FNDC1: variants seen among roughly 807,000 people sequenced by gnomAD.
FNDC1 encodes fibronectin type III domain-containing protein 1.
In FNDC1, 96 loss-of-function variants were observed where a neutral mutation model predicts 168.0. The ratio of observed to expected loss-of-function variants is 0.57; its 90% CI spans 0.48 to 0.68. The LOEUF (loss-of-function observed/expected upper bound fraction) is 0.68, where lower values mean the gene tolerates loss of function less well. Among genes scored for constraint, FNDC1 ranks in the 30% least tolerant of loss-of-function variants. The pLI, the probability that FNDC1 is intolerant of heterozygous loss-of-function variation, is 0.00. For missense variants in FNDC1, 2,587 were observed against 2,482.1 expected, an observed-to-expected ratio of 1.04 and a Z score of -0.90; for synonymous variants, 1,099 against 1,025.9, an observed-to-expected ratio of 1.07 and a Z score of -1.36.
Position 159,239,916 on chromosome 6 carries a change from T to A in FNDC1, c.4580T>A (p.Ile1527Lys). The A allele has an allele frequency of 6.6e-7, 1 of 1,517,724 alleles. No individual in the cohort carries two copies. Among genetic ancestry groups the A allele is most frequent in the South Asian group, 1.3e-5 (1 of 78,480 alleles). 94.0% of individuals were successfully genotyped at this position (1,517,724 alleles called of 1,614,324 possible). ...LERHDDDGNLIMSSNGIPECY... is the reference protein window; with the variant it reads ...LERHDDDGNLKMSSNGIPECY... ...CGGCACGACGATGATGGCAACCTGATAATGAGCTCCAATGGGATCCCAGAG... is the reference window on the plus strand; with the variant it reads ...CGGCACGACGATGATGGCAACCTGAAAATGAGCTCCAATGGGATCCCAGAG... Residue 1527 changes from isoleucine to lysine, a missense_variant, in exon 14 of 23, where the codon ATA (isoleucine) becomes AAA (lysine). Transcript: ENST00000297267.
intron 5 of FNDC1, among the ~76,000 whole-genome samples, chr6:159,219,307 C>T (rs564861968): frequency 4.4e-4 from 67 of 152,340 alleles, no homozygotes; most frequent in African/African-American, 1.5e-3. Context: ...TCCCAAAATG[C>T]TGGGGATTGC....
In FNDC1 at chr6:159,239,661, A is replaced by C; in HGVS notation, c.4325A>C (p.Lys1442Thr). 1 of 1,552,050 alleles carries C rather than the reference A, an allele frequency of 6.4e-7. No homozygotes were observed. Among genetic ancestry groups the C allele is most frequent in the Non-Finnish European group, 8.7e-7 (1 of 1,147,188 alleles). ...CTGGTGGGCTTGGAGGTCATCAAAA[A>C]AACCACCCATCCCCCTACCACTACC... ...KPLVGLEVIK[K>T]TTHPPTTTMQ... is the part of the protein sequence containing the mutation. The change falls in exon 14 of 23, where the codon AAA becomes ACA. Residue 1442 changes from lysine (K) to threonine (T), a missense_variant. Physicochemically the swap from Lys to Thr is moderately conservative, Grantham distance 78. Coordinates refer to ENST00000297267, the MANE Select transcript of FNDC1 (RefSeq NM_032532.3).
At chr6:159,201,441 G>T (rs1223675482) in intron 4 of FNDC1, among the ~76,000 whole-genome samples, 1 of 152,180 alleles carries the variant, frequency 6.6e-6, no homozygotes, top group African/African-American at 2.4e-5. Context: ...CTGGCTTTTG[G>T]GGAGAGACTA....
intron 1 of FNDC1, among the ~76,000 whole-genome samples, chr6:159,184,607 C>G (rs1162645171): frequency 2.0e-5 from 3 of 152,154 alleles, no homozygotes; most frequent in Non-Finnish European, 4.4e-5. Context: ...CTTGGCCTCT[C>G]TTCTAAGGGT....
intron 1 of FNDC1, among the ~76,000 whole-genome samples, chr6:159,186,917 T>G (rs1323092880): frequency 6.6e-6 from 1 of 152,232 alleles, no homozygotes; most frequent in Non-Finnish European, 1.5e-5. Context: ...CCCTTATAAG[T>G]ACATTGGCAT....
intron 19 of FNDC1, 61 bp from the exon 20 acceptor site, chr6:159,264,914 T>G: frequency 2.1e-6 from 3 of 1,436,010 alleles, no homozygotes; most frequent in Non-Finnish European, 2.9e-6. Flanking sequence ...ACTAACCATT[T>G]AAAGAATTGC....
At chr6:159,180,565 G>A (rs1020069328) in intron 1 of FNDC1, among the ~76,000 whole-genome samples, 3 of 152,078 alleles carry the variant, frequency 2.0e-5, no homozygotes, top group Admixed American at 2.0e-4. Flanking sequence ...TGCAGCACCT[G>A]TCAACCCATC....
intron 17 of FNDC1, 146 bp from the exon 18 acceptor site, chr6:159,256,377 C>G: frequency 3.1e-6 from 2 of 650,712 alleles, no homozygotes; most frequent in Non-Finnish European, 5.5e-6. Flanking sequence ...CCCATCCTGT[C>G]CCACAGTGCC....
intron 2 of FNDC1, among the ~76,000 whole-genome samples, chr6:159,197,827 C>T (rs1451642402): frequency 6.6e-6 from 1 of 152,218 alleles, no homozygotes. Flanking sequence ...GCTTCCCCAT[C>T]CGTGCATGTG....
chr6:159,249,643 C>A (rs1777216444), intron 16 of FNDC1, among the ~76,000 whole-genome samples: 1 of 152,196 alleles, frequency 6.6e-6, no homozygotes, highest in South Asian at 2.1e-4. Context: ...TATTTCCTAT[C>A]ACTTTCATTA....
At chr6:159,225,484 T>A in intron 7 of FNDC1, 51 bp from the exon 8 acceptor site, 1 of 1,441,664 alleles carries the variant, frequency 6.9e-7, no homozygotes, top group Non-Finnish European at 9.4e-7. Context: ...AGGCATCTAG[T>A]GTTGAGTGGC....
chr6:159,221,748 T>C lies in FNDC1; in HGVS notation c.766+52T>C, dbSNP rs1293494931. 3.8e-5 allele frequency: 50 copies of C among 1,333,050 alleles called. No homozygotes were observed. The East Asian group carries it at 1.1e-3, about 29-fold the overall frequency. 82.6% of individuals were successfully genotyped at this position (1,333,050 alleles called of 1,614,324 possible). A position where few individuals can be genotyped will look rare whatever the true frequency, so the allele number is the denominator to read the frequency against. ...AAACCATAGTCTGGTATGAATGCTATGTTGTTTCCAAATGATGCTGGCTGA... is the reference window on the plus strand; with the variant it reads ...AAACCATAGTCTGGTATGAATGCTACGTTGTTTCCAAATGATGCTGGCTGA... On this transcript the variant is annotated intron_variant, in intron 6 of 22. Coordinates refer to ENST00000297267, the MANE Select transcript of FNDC1 (RefSeq NM_032532.3).
intron 1 of FNDC1, among the ~76,000 whole-genome samples, chr6:159,190,304 C>T (rs1179715263): frequency 1.3e-5 from 2 of 152,214 alleles, no homozygotes; most frequent in African/African-American, 4.8e-5. Context: ...TGTCCCCTGT[C>T]CCGCACTCCA....
chr6:159,169,778 C>A lies in FNDC1; in HGVS notation c.109+73C>A. 1 of 530,338 alleles carries A rather than the reference C, an allele frequency of 1.9e-6. No homozygotes were observed. Among genetic ancestry groups the A allele is most frequent in the Non-Finnish European group, 2.6e-6 (1 of 382,880 alleles). The allele number at this position is 530,338 out of a possible 1,614,324, so 32.9% of individuals were successfully genotyped here. ...CCTCCTGCGCTCGGGCCCCGTCGTC[C>A]CGCTCAGTGCTGGCTACGGGTCGTG... On this transcript the variant is annotated intron_variant, in intron 1 of 22. Coordinates refer to ENST00000297267, the MANE Select transcript of FNDC1 (RefSeq NM_032532.3). This position sits in a 1 kb window ranked among gnomAD's most constrained non-coding sequence, Gnocchi z 6.8.
Position 159,223,538 on chromosome 6 carries a change from A to G in FNDC1, c.777A>G (p.Glu259=), listed in dbSNP as rs1056453017. 1 of 1,611,842 alleles carries G rather than the reference A, an allele frequency of 6.2e-7. No individual in the cohort carries two copies. The highest frequency in any genetic ancestry group is 1.7e-5 in the Admixed American group (1 of 59,790). The part of the protein sequence containing the change: ...LTKRKISEED[E]LDVPDDISVR... The stretch of plus-strand genomic sequence containing the variant: ...TCGTTGTCATTTCAGAAGAGGACGA[A>G]TTGGATGTACCTGACGACATCAGCG... The change falls in exon 7 of 23, where the codon GAA becomes GAG. Residue 259 remains glutamate (E), a synonymous_variant. Transcript: ENST00000297267.
chr6:159,256,367 C>T (rs1164650172), intron 17 of FNDC1, among the ~76,000 whole-genome samples, 156 bp from the exon 18 acceptor site: 3 of 152,308 alleles, frequency 2.0e-5, no homozygotes, highest in South Asian at 2.1e-4. Context: ...AGTGTTACAT[C>T]CCATCCTGTC....
chr6:159,179,959 G>T (rs140060061), intron 1 of FNDC1, among the ~76,000 whole-genome samples: 1 of 152,330 alleles, frequency 6.6e-6, no homozygotes, highest in Non-Finnish European at 1.5e-5. Context: ...CAGCATATGC[G>T]TTAGTGAGAG....
chr6:159,269,164 G>GTATGTATGTATA (rs1171909477), intron 22 of FNDC1, among the ~76,000 whole-genome samples: 25 of 149,852 alleles, frequency 1.7e-4, no homozygotes, highest in Non-Finnish European at 3.3e-4. Flanking sequence ...GTCTATGTAT[G>GTATGTATGTATA]TATGTATGTA....
In FNDC1 at chr6:159,169,723, G is replaced by A; in HGVS notation, c.109+18G>A. On this transcript the variant is annotated intron_variant, in intron 1 of 22. Transcript: ENST00000297267. The surrounding 1 kb of genome is among the most constrained non-coding windows in gnomAD (Gnocchi z 6.8). The stretch of plus-strand genomic sequence containing the variant: ...GGCCTCAGGTACGCGCCGCGCCCGG[G>A]CCCCCGGCGCTCCTCAGCTCCCCGC... 2 of 1,052,352 alleles carry A rather than the reference G, an allele frequency of 1.9e-6. No individual in the cohort carries two copies. The highest frequency in any genetic ancestry group is 2.4e-6 in the Non-Finnish European group (2 of 846,778). The allele number at this position is 1,052,352 out of a possible 1,614,324, so 65.2% of individuals were successfully genotyped here. A position where few individuals can be genotyped will look rare whatever the true frequency, so the allele number is the denominator to read the frequency against.
Sources: allele counts gnomAD v4.1 joint callset (sites outside exome capture counted in the v4.1 genomes callset), GRCh38; gene constraint gnomAD v4.1.1; non-coding constraint Gnocchi (gnomAD v3.1); transcripts MANE v1.5; gene names NCBI Gene and HGNC (gene_info 2026-07-23, HGNC 2026-07-21).